Variants in PDGFD observed in about 807,000 individuals in gnomAD.
PDGFD encodes the protein platelet-derived growth factor D.
In PDGFD, 30 loss-of-function variants were observed where a neutral mutation model predicts 44.7. The observed-to-expected ratio is 0.67, with a 90% confidence interval of 0.50 to 0.91. The LOEUF (loss-of-function observed/expected upper bound fraction) is 0.91, where lower values mean the gene tolerates loss of function less well. Among genes scored for constraint, PDGFD ranks in the 40% least tolerant of loss-of-function variants. PDGFD has a pLI of 0.00. For missense variants in PDGFD, 445 were observed against 457.8 expected (o/e 0.97, Z 0.25); for synonymous variants, 173 against 168.4 (o/e 1.03, Z -0.21).
At chr11:103,999,948 C>G in intron 2 of PDGFD, 103 bp downstream of exon 2, 2 of 980,880 alleles carry the variant, frequency 2.0e-6, no homozygotes, top group Non-Finnish European at 3.1e-6. Context: ...CATGTTGGGT[C>G]CATTTAAAAG....
chr11:104,144,672 T>C (rs905407743), intron 1 of PDGFD, among the ~76,000 whole-genome samples: 5 of 152,202 alleles, frequency 3.3e-5, no homozygotes, highest in Admixed American at 6.5e-5. Flanking sequence ...AAGCTGGCAA[T>C]TGTCTTACCT....
At chr11:104,036,817 C>T (rs1426702111) in intron 1 of PDGFD, 10 of 1,610,082 alleles carry the variant, frequency 6.2e-6, no homozygotes, top group Non-Finnish European at 7.6e-6. Flanking sequence ...CGCCCGGGCC[C>T]CCGCCATGCT....
Position 104,163,834 on chromosome 11 carries a change from C to A in PDGFD, c.94G>T (p.Ala32Ser). ...CGCCTGAGGTTGGCGTTGCGCAAAGCTTTGATGGATGCGCTCTGCGGGGTT... is the reference window on the plus strand; with the variant it reads ...CGCCTGAGGTTGGCGTTGCGCAAAGATTTGATGGATGCGCTCTGCGGGGTT... ...SATPQSASIK[A>S]LRNANLRRDE... The change falls in exon 1 of 7, where the codon GCT (alanine) becomes TCT (serine). Residue 32 changes from alanine to serine, a missense_variant. Physicochemically the swap from Ala to Ser is moderately conservative, Grantham distance 99. Transcript: ENST00000393158. The A allele has an allele frequency of 6.4e-7, 1 of 1,569,374 alleles. No homozygotes were observed.
chr11:104,043,510 G>A (rs1860392002), intron 1 of PDGFD, among the ~76,000 whole-genome samples: 1 of 152,128 alleles, frequency 6.6e-6, no homozygotes, highest in Admixed American at 6.5e-5. Context: ...TGTTCAACTC[G>A]CTACTATTAG....
chr11:103,957,582 T>C (rs1037984658), intron 3 of PDGFD, among the ~76,000 whole-genome samples: 1 of 152,114 alleles, frequency 6.6e-6, no homozygotes, highest in Admixed American at 6.5e-5. Context: ...AACTATCTGA[T>C]CTTTGACAAA....
intron 1 of PDGFD, among the ~76,000 whole-genome samples, chr11:104,123,599 G>A (rs1264037977): frequency 6.6e-6 from 1 of 151,992 alleles, no homozygotes; most frequent in East Asian, 1.9e-4. Flanking sequence ...CATGAGTTTA[G>A]CCAATTAAAT....
chr11:103,969,216 T>C (rs1465301937), intron 3 of PDGFD, among the ~76,000 whole-genome samples: 3 of 152,156 alleles, frequency 2.0e-5, no homozygotes, highest in African/African-American at 4.8e-5. Flanking sequence ...TTGTGACACA[T>C]TCTCAAATTC....
At chr11:104,018,984 G>GCAA (rs772862623) in intron 1 of PDGFD, among the ~76,000 whole-genome samples, 2 of 152,040 alleles carry the variant, frequency 1.3e-5, no homozygotes, top group Non-Finnish European at 2.9e-5. Context: ...TCCCTGCCTT[G>GCAA]GGACCTCCTT....
chr11:103,980,765 G>A (rs764508536), intron 3 of PDGFD, among the ~76,000 whole-genome samples: 6 of 151,912 alleles, frequency 3.9e-5, no homozygotes, highest in Non-Finnish European at 7.4e-5. Context: ...CCTTATGAAA[G>A]CAACCCCAGA....
At position 104,075,668 on chromosome 11, in the gene PDGFD, T is replaced by C. The variant is rs116329485; in HGVS notation, c.125-75413A>G. On this transcript the variant is annotated intron_variant, in intron 1 of 6. Transcript: ENST00000393158. ...CACCATGCCGCCCAGCTAATTTTTA[T>C]ACCTTAATAACCTTGGTAGATACCT... Among the ~76,000 whole-genome samples, 276 of 152,112 alleles carry C rather than the reference T, an allele frequency of 1.8e-3. 1 individual carries two copies. Among genetic ancestry groups the C allele is most frequent in the African/African-American group, 6.3e-3 (262 of 41,492 alleles).
chr11:104,065,742 G>A (rs923937316), intron 1 of PDGFD, among the ~76,000 whole-genome samples: 7 of 152,096 alleles, frequency 4.6e-5, no homozygotes, highest in East Asian at 1.9e-4. Context: ...TCAAGGTGCT[G>A]TGAAAAACTG....
chr11:103,990,558 T>C (rs901518228), intron 3 of PDGFD, among the ~76,000 whole-genome samples: 3 of 152,242 alleles, frequency 2.0e-5, no homozygotes, highest in Non-Finnish European at 4.4e-5. Flanking sequence ...AGGTTCTGCC[T>C]GTCTTCCTCA....
At chr11:103,994,697 G>C (rs1465485985) in intron 3 of PDGFD, among the ~76,000 whole-genome samples, 1 of 151,882 alleles carries the variant, frequency 6.6e-6, no homozygotes, top group Non-Finnish European at 1.5e-5. Context: ...CTTGGTAAAG[G>C]GACAGAGACA....
intron 1 of PDGFD, among the ~76,000 whole-genome samples, chr11:104,069,526 T>C (rs1041863453): frequency 1.3e-5 from 2 of 152,248 alleles, no homozygotes; most frequent in African/African-American, 4.8e-5. Flanking sequence ...TTAGCATTCA[T>C]GAATGTTTCT....
At chr11:103,995,070 A>G (rs1859516023) in intron 3 of PDGFD, among the ~76,000 whole-genome samples, 3 of 152,122 alleles carry the variant, frequency 2.0e-5, no homozygotes, top group South Asian at 4.2e-4. Context: ...TTGTAGAGAT[A>G]GGGTCTTGCT....
intron 1 of PDGFD, among the ~76,000 whole-genome samples, chr11:104,078,896 T>C (rs1861005570): frequency 1.6e-5 from 1 of 63,592 alleles, no homozygotes; most frequent in Non-Finnish European, 2.8e-5. Context: ...CCTAAATATA[T>C]GCAAGATTTA....
intron 3 of PDGFD, among the ~76,000 whole-genome samples, chr11:103,949,598 T>C (rs896203218): frequency 3.9e-5 from 6 of 152,256 alleles, no homozygotes; most frequent in Non-Finnish European, 1.5e-5. Flanking sequence ...AATTTTCATT[T>C]TCCCTTGTTC....
intron 1 of PDGFD, among the ~76,000 whole-genome samples, chr11:104,126,205 T>C (rs559225379): frequency 3.3e-5 from 5 of 152,286 alleles, no homozygotes; most frequent in African/African-American, 9.6e-5. Flanking sequence ...TGGCCATGCA[T>C]AGTCCTTACT....
At chr11:104,091,401 C>T (rs1329393035) in intron 1 of PDGFD, among the ~76,000 whole-genome samples, 3 of 152,108 alleles carry the variant, frequency 2.0e-5, no homozygotes, top group East Asian at 1.9e-4. Flanking sequence ...TCCTGCAGCC[C>T]TTCTCTCTAC....
Sources: allele counts gnomAD v4.1 joint callset (sites outside exome capture counted in the v4.1 genomes callset), GRCh38; gene constraint gnomAD v4.1.1; transcripts MANE v1.5; gene names NCBI Gene and HGNC (gene_info 2026-07-23, HGNC 2026-07-21).